The following ZP4 variants were observed in gnomAD, a reference collection of about 807,000 sequenced individuals.
ZP4 encodes zona pellucida glycoprotein 4.
A neutral mutation model predicts 62.3 loss-of-function variants in ZP4; 62 were observed. The observed-to-expected ratio is 0.99, with a 90% CI of 0.81 to 1.23. The LOEUF (loss-of-function observed/expected upper bound fraction) is 1.23, where lower values mean the gene tolerates loss of function less well. Ranked by LOEUF, ZP4 falls within the 50% of genes most tolerant of loss-of-function variation. ZP4 has a pLI of 0.00. For synonymous variants in ZP4, 289 were observed against 247.3 expected, an observed-to-expected ratio of 1.17 and a Z score of -1.58; for missense variants, 774 against 656.0, an observed-to-expected ratio of 1.18 and a Z score of -1.97.
chr1:237,887,375 T>C lies in ZP4; in HGVS notation c.740A>G (p.Gln247Arg). Residue 247 changes from glutamine (Q) to arginine (R), a missense_variant and splice_region_variant, in exon 5 of 12, where the codon CAG becomes CGG. Coordinates refer to ENST00000366570, the MANE Select transcript of ZP4 (RefSeq NM_021186.5). ...CAGGAACAAAGCCCAACTGCTCACC[T>C]GTCTTGTGGTGCCACAGGAAGTAAA... ...FPFTSCGTTR[Q>R]ITGDRAVYEN... is the part of the protein sequence containing the mutation. The C allele has an allele frequency of 6.2e-6, 10 of 1,613,718 alleles. No individual in the cohort carries two copies. Among genetic ancestry groups the C allele is most frequent in the Non-Finnish European group, 8.5e-6 (10 of 1,179,754 alleles).
intron 3 of ZP4, among the ~76,000 whole-genome samples, chr1:237,888,918 C>A (rs1665172541): frequency 6.6e-6 from 1 of 152,160 alleles, no homozygotes; most frequent in Non-Finnish European, 1.5e-5. Context: ...TATGATTCCT[C>A]ATTTTATTAG....
Position 237,890,183 on chromosome 1 carries a change from G to A in ZP4, c.176-7C>T. ...TGCAGCAGCCCTTGGTTGTCTGGAG[G>A]GGTGGGGAAGAGGTGAGAAAACACA... On this transcript the variant is annotated splice_polypyrimidine_tract_variant and splice_region_variant and intron_variant, in intron 1 of 11. Coordinates refer to ENST00000366570, the MANE Select transcript of ZP4 (RefSeq NM_021186.5). 1 of 1,613,776 alleles carries A rather than the reference G, an allele frequency of 6.2e-7. No individual in the cohort carries two copies. Among genetic ancestry groups the A allele is most frequent in the Non-Finnish European group, 8.5e-7 (1 of 1,180,006 alleles).
Position 237,885,880 on chromosome 1 carries a change from A to T in ZP4, c.846T>A (p.His282Gln). 1 of 1,614,130 alleles carries T rather than the reference A, an allele frequency of 6.2e-7. No homozygotes were observed. The highest frequency in any genetic ancestry group is 1.1e-5 in the South Asian group (1 of 91,068). Residue 282 changes from histidine to glutamine, a missense_variant, in exon 7 of 12, where the codon CAT becomes CAA. Coordinates refer to ENST00000366570, the MANE Select transcript of ZP4 (RefSeq NM_021186.5). The part of the protein sequence containing the change: ...SVTRDSIFRL[H>Q]VSCSYSVSSN... Reference sequence around the variant, plus strand: ...TACTTACTGAGTAGCTGCAGCTGACATGGAGCCTGCAGAGAAACAAGATTT... The same window carrying T: ...TACTTACTGAGTAGCTGCAGCTGACTTGGAGCCTGCAGAGAAACAAGATTT...
intron 1 of ZP4, 95 bp downstream of exon 1, chr1:237,890,366 G>A: frequency 2.0e-6 from 3 of 1,505,186 alleles, no homozygotes; most frequent in South Asian, 1.3e-5. Context: ...GGGCTCAGAA[G>A]GTGAAAGTAT....
rs1665019557 is a variant in ZP4, at chr1:237,883,999, C to CAA, written c.1390+769_1390+770insTT. 6.0e-4 allele frequency among the ~76,000 whole-genome samples: 51 copies of CAA among 85,050 alleles called. 1 individual carries two copies. The highest frequency in any genetic ancestry group is 1.4e-3 in the African/African-American group (25 of 18,196). The allele number at this position is 85,050 out of a possible 152,430, so 55.8% of individuals were successfully genotyped here. A position where few individuals can be genotyped will look rare whatever the true frequency, so the allele number is the denominator to read the frequency against. On this transcript the variant is annotated intron_variant, in intron 10 of 11. Transcript: ENST00000366570. ...ACACACACAAACACACACACACACA[C>CAA]ACACACACACACACACAAACACACA...
rs1665225747 is a variant in ZP4, at chr1:237,890,801, C to T, written c.-166G>A. 1.4e-6 allele frequency: 1 copy of T among 699,176 alleles called. No homozygotes were observed. The highest frequency in any genetic ancestry group is 2.3e-6 in the Non-Finnish European group (1 of 437,786). 43.3% of individuals were successfully genotyped at this position (699,176 alleles called of 1,614,324 possible). A position where few individuals can be genotyped will look rare whatever the true frequency, so the allele number is the denominator to read the frequency against. Reference sequence around the variant, plus strand: ...CCTTCAGAAAGGGGAATTCCTCTAGCCTCATTTGCTTTGGGGCACAGTCTG... The same window carrying T: ...CCTTCAGAAAGGGGAATTCCTCTAGTCTCATTTGCTTTGGGGCACAGTCTG... On this transcript the variant is annotated 5_prime_UTR_variant, in exon 1 of 12. Coordinates refer to ENST00000366570, the MANE Select transcript of ZP4 (RefSeq NM_021186.5).
In ZP4 at chr1:237,887,491, C is replaced by T; in HGVS notation, c.624G>A (p.Leu208=). 2 of 1,614,202 alleles carry T rather than the reference C, an allele frequency of 1.2e-6. No individual in the cohort carries two copies. Among genetic ancestry groups the T allele is most frequent in the Non-Finnish European group, 1.7e-6 (2 of 1,180,036 alleles). The part of the protein sequence containing the change: ...AVSRNVTSPP[L]LLDSVRLALR... Reference sequence around the variant, plus strand: ...GGGCCAAGCGCACAGAATCCAAGAGCAGTGGTGGCGAGGTCACGTTCCGAG... The same window carrying T: ...GGGCCAAGCGCACAGAATCCAAGAGTAGTGGTGGCGAGGTCACGTTCCGAG... Residue 208 remains leucine, a synonymous_variant, in exon 5 of 12, where the codon CTG becomes CTA. Transcript: ENST00000366570.
intron 3 of ZP4, among the ~76,000 whole-genome samples, chr1:237,888,976 G>A (rs1038746458): frequency 2.0e-5 from 3 of 152,202 alleles, no homozygotes; most frequent in Non-Finnish European, 2.9e-5. Context: ...GGTGAGAAGA[G>A]TGAATTTATA....
At chr1:237,884,933 A>C (rs997716205) in intron 9 of ZP4, 86 bp from the exon 10 acceptor site, 99 of 1,441,668 alleles carry the variant, frequency 6.9e-5, no homozygotes, top group Non-Finnish European at 9.1e-5. Context: ...GAAGAGGTTC[A>C]GGAAGTTATC....
rs375211563 is a variant in ZP4, at chr1:237,889,819, C to A, written c.400+48G>T. 40 of 1,523,300 alleles carry A rather than the reference C, an allele frequency of 2.6e-5. No homozygotes were observed. The Admixed American group carries it at 5.2e-4, about 20-fold the overall frequency. The allele number at this position is 1,523,300 out of a possible 1,614,324, so 94.4% of individuals were successfully genotyped here. A position where few individuals can be genotyped will look rare whatever the true frequency, so the allele number is the denominator to read the frequency against. Reference sequence around the variant, plus strand: ...AGAGAGGACCAAGAGTACTTTCACACCCCACCCCCACCACCCCCACAAGAC... The same window carrying A: ...AGAGAGGACCAAGAGTACTTTCACAACCCACCCCCACCACCCCCACAAGAC... On this transcript the variant is annotated intron_variant, in intron 3 of 11. Coordinates refer to ENST00000366570, the MANE Select transcript of ZP4 (RefSeq NM_021186.5).
In ZP4 at chr1:237,886,769, A is replaced by C; in HGVS notation, c.839+2T>G. ...GGGAAGTCATTCTGGCCAAGCCCTT[A>C]CCTGAAGATGCTGTCACGAGTGACA... On this transcript the variant is annotated splice_donor_variant, in intron 6 of 11. Transcript: ENST00000366570. LOFTEE classifies it high-confidence loss of function. 1 of 1,613,612 alleles carries C rather than the reference A, an allele frequency of 6.2e-7. No homozygotes were observed. The highest frequency in any genetic ancestry group is 8.5e-7 in the Non-Finnish European group (1 of 1,179,714).
At chr1:237,886,960 G>A in intron 5 of ZP4, 92 bp from the exon 6 acceptor site, 1 of 1,076,930 alleles carries the variant, frequency 9.3e-7, no homozygotes. Flanking sequence ...ATGCTACCCT[G>A]TTGTATGGTA....
chr1:237,882,533 C>T lies in ZP4; in HGVS notation c.1512G>A (p.Ser504=), dbSNP rs779478002. The part of the protein sequence containing the change: ...PPEKLRVPVD[S]KVLWVAGLSG... The stretch of plus-strand genomic sequence containing the variant: ...AAAGGCCTGCCACCCACAGAACTTT[C>T]GAGTCTACAGGAACACCTGGAGGAT... Residue 504 remains serine (S), a synonymous_variant, in exon 12 of 12, where the codon TCG becomes TCA. Coordinates refer to ENST00000366570, the MANE Select transcript of ZP4 (RefSeq NM_021186.5). 5.7e-5 allele frequency: 92 copies of T among 1,604,144 alleles called. No homozygotes were observed. Among genetic ancestry groups the T allele is most frequent in the Non-Finnish European group, 7.3e-5 (86 of 1,177,090 alleles).
chr1:237,883,025 C>T (rs1664952862), intron 10 of ZP4, among the ~76,000 whole-genome samples, 179 bp from the exon 11 acceptor site: 1 of 152,150 alleles, frequency 6.6e-6, no homozygotes, highest in African/African-American at 2.4e-5. Flanking sequence ...GATGCCATTA[C>T]CTTAGTTTCA....
chr1:237,890,692 G>T lies in ZP4; in HGVS notation c.-57C>A. 1 of 1,563,004 alleles carries T rather than the reference G, an allele frequency of 6.4e-7. No individual in the cohort carries two copies. The highest frequency in any genetic ancestry group is 1.2e-5 in the South Asian group (1 of 83,428). ...CTCTCCGCCTCCTCTCCCAAGAGCC[G>T]AGGGTCTGCCTGCCCAGATTCCTTT... On this transcript the variant is annotated 5_prime_UTR_variant, in exon 1 of 12. Transcript: ENST00000366570.
chr1:237,888,692 T>A (rs1665167423), intron 3 of ZP4, among the ~76,000 whole-genome samples, 182 bp from the exon 4 acceptor site: 2 of 152,356 alleles, frequency 1.3e-5, no homozygotes, highest in Admixed American at 6.5e-5. Context: ...TGGGAGGTTG[T>A]CAACATTAAG....
Position 237,882,448 on chromosome 1 carries a change from T to A in ZP4, c.1597A>T (p.Ser533Cys), listed in dbSNP as rs368627614. ...TATTGACACATTTGGTCTGGGCAAC[T>A]CTTCTGTTTCTTGACAGCCAAGTAG... Reference protein sequence around the residue: ...VSYLAVKKQKSCPDQMCQ With the variant: ...VSYLAVKKQKCCPDQMCQ The change falls in exon 12 of 12, where the codon AGT becomes TGT. Residue 533 changes from serine (S) to cysteine (C), a missense_variant. Physicochemically the swap from Ser to Cys is moderately radical, Grantham distance 112. Transcript: ENST00000366570. 6.2e-7 allele frequency: 1 copy of A among 1,611,024 alleles called. No homozygotes were observed. The highest frequency in any genetic ancestry group is 1.7e-5 in the Admixed American group (1 of 58,756).
chr1:237,888,801 A>C (rs1348062195), intron 3 of ZP4, among the ~76,000 whole-genome samples: 5 of 152,156 alleles, frequency 3.3e-5, no homozygotes, highest in Non-Finnish European at 7.4e-5. Flanking sequence ...TTCCAGTAAC[A>C]ATCCTTCCTT....
chr1:237,890,414 G>A (rs370094589), intron 1 of ZP4, 47 bp downstream of exon 1: 8 of 1,577,078 alleles, frequency 5.1e-6, no homozygotes, highest in Non-Finnish European at 6.9e-6. Flanking sequence ...AGGTAGTAGA[G>A]GAGACATATC....
Sources: gnomAD v4.1 joint callset for allele counts (sites outside exome capture counted in the v4.1 genomes callset) on GRCh38, gnomAD v4.1.1 for gene constraint, MANE v1.5 for transcripts, NCBI Gene and HGNC (gene_info 2026-07-23, HGNC 2026-07-21) for gene names.